Variants in RUNX1 observed in about 807,000 individuals in gnomAD.
RUNX1 encodes the protein RUNX family transcription factor 1.
In RUNX1, 19 loss-of-function variants were observed where a neutral mutation model predicts 42.8. That is an observed-to-expected ratio of 0.44 (90% CI 0.31 to 0.65). The LOEUF (loss-of-function observed/expected upper bound fraction) is 0.65, where lower values mean the gene tolerates loss of function less well. RUNX1 is among the 30% of genes least tolerant of loss of function. The pLI is 0.07. For missense variants in RUNX1, 528 were observed against 672.0 expected (o/e 0.79, Z 2.37); for synonymous variants, 271 against 289.4 (o/e 0.94, Z 0.64).
At chr21:34,849,255 T>TAC in intron 6 of RUNX1, among the ~76,000 whole-genome samples, 1 of 70,496 alleles carries the variant, frequency 1.4e-5, no homozygotes, top group East Asian at 5.2e-4. Flanking sequence ...TTTGGGTACA[T>TAC]ATATATATAT....
chr21:34,867,875 C>G (rs772105408), intron 5 of RUNX1, among the ~76,000 whole-genome samples: 5 of 152,156 alleles, frequency 3.3e-5, no homozygotes, highest in Non-Finnish European at 5.9e-5. Context: ...CTTCACTCAT[C>G]CATCAGGCTG....
At chr21:34,999,979 C>G (rs1037594419) in intron 2 of RUNX1, among the ~76,000 whole-genome samples, 1 of 152,198 alleles carries the variant, frequency 6.6e-6, no homozygotes, top group Non-Finnish European at 1.5e-5. Context: ...TGAGCTTTCA[C>G]CCAAGATGTT....
chr21:35,020,603 T>C (rs1379585010), intron 2 of RUNX1, among the ~76,000 whole-genome samples: 2 of 152,288 alleles, frequency 1.3e-5, no homozygotes, highest in South Asian at 2.1e-4. Context: ...TCTTAGTCAC[T>C]GTCCCCTCGA....
At chr21:34,977,386 C>T (rs2058810921) in intron 2 of RUNX1, among the ~76,000 whole-genome samples, 1 of 152,230 alleles carries the variant, frequency 6.6e-6, no homozygotes, top group African/African-American at 2.4e-5. Flanking sequence ...CTCTGGAAAA[C>T]TACCCCAGGA....
chr21:34,802,274 C>T (rs969176955), intron 7 of RUNX1, among the ~76,000 whole-genome samples: 1 of 152,174 alleles, frequency 6.6e-6, no homozygotes, highest in African/African-American at 2.4e-5. Flanking sequence ...TCTGATAAGT[C>T]AATCCATCTA....
Position 34,791,342 on chromosome 21 carries a change from CAT to C in RUNX1, c.*791_*792del, listed in dbSNP as rs1420535923. ...TTAAATAATTAAAAAATTATCAACACATAAATGTCTGAACATCAAGATACATA... is the reference window on the plus strand; with the variant it reads ...TTAAATAATTAAAAAATTATCAACACAAATGTCTGAACATCAAGATACATA... On this transcript the variant is annotated 3_prime_UTR_variant, in exon 9 of 9. Transcript: ENST00000675419. 2 of 227,910 alleles carry C rather than the reference CAT, an allele frequency of 8.8e-6. No individual in the cohort carries two copies. Among genetic ancestry groups the C allele is most frequent in the African/African-American group, 2.2e-5 (1 of 44,922 alleles). 14.1% of individuals were successfully genotyped at this position (227,910 alleles called of 1,614,324 possible).
chr21:35,017,777 C>T (rs576382817), intron 2 of RUNX1, among the ~76,000 whole-genome samples: 9 of 152,256 alleles, frequency 5.9e-5, no homozygotes, highest in African/African-American at 2.2e-4. Flanking sequence ...TAGCCGTCTT[C>T]AGGAAAGGAG....
chr21:34,898,458 G>A (rs2058147205), intron 2 of RUNX1, among the ~76,000 whole-genome samples: 1 of 152,182 alleles, frequency 6.6e-6, no homozygotes, highest in African/African-American at 2.4e-5. Flanking sequence ...CTGGAGCTCA[G>A]TAGCAGGAAG....
intron 2 of RUNX1, among the ~76,000 whole-genome samples, chr21:34,965,354 T>C (rs974882709): frequency 1.3e-4 from 20 of 152,136 alleles, no homozygotes; most frequent in African/African-American, 4.6e-4. Context: ...AAAAATCATC[T>C]GGAGCGTTTT....
chr21:34,855,430 C>T (rs545650106), intron 6 of RUNX1, among the ~76,000 whole-genome samples: 8 of 152,292 alleles, frequency 5.3e-5, no homozygotes, highest in East Asian at 1.9e-4. Context: ...CTCAGCCATT[C>T]GTAGTAGCTC....
chr21:35,035,301 C>T (rs373407651), intron 2 of RUNX1, among the ~76,000 whole-genome samples: 17 of 152,230 alleles, frequency 1.1e-4, no homozygotes, highest in African/African-American at 4.1e-4. Context: ...CAAGGTGACT[C>T]AGCGGGAAAG....
chr21:34,803,254 T>C (rs1159391287), intron 7 of RUNX1, among the ~76,000 whole-genome samples: 1 of 151,992 alleles, frequency 6.6e-6, no homozygotes, highest in Non-Finnish European at 1.5e-5. Context: ...TATTAAAAAA[T>C]ACTGGATTCA....
intron 2 of RUNX1, among the ~76,000 whole-genome samples, chr21:34,928,339 A>G (rs893490722): frequency 6.6e-6 from 1 of 152,182 alleles, no homozygotes; most frequent in African/African-American, 2.4e-5. Flanking sequence ...ACTACCAAAA[A>G]GAATTTGAAG....
At chr21:34,908,581 G>A (rs1051530055) in intron 2 of RUNX1, among the ~76,000 whole-genome samples, 1 of 152,144 alleles carries the variant, frequency 6.6e-6, no homozygotes, top group Non-Finnish European at 1.5e-5. Context: ...TGGACAGGGG[G>A]GTCGGGGGAG....
At chr21:34,822,828 T>C (rs1396664871) in intron 7 of RUNX1, among the ~76,000 whole-genome samples, 1 of 152,230 alleles carries the variant, frequency 6.6e-6, no homozygotes, top group African/African-American at 2.4e-5. Flanking sequence ...AACAGTGTTA[T>C]AATCCCGCGA....
chr21:34,968,472 T>A (rs1267996205), intron 2 of RUNX1, among the ~76,000 whole-genome samples: 1 of 152,048 alleles, frequency 6.6e-6, no homozygotes, highest in Non-Finnish European at 1.5e-5. Flanking sequence ...GGAAAACTTA[T>A]CCTCCACATC....
chr21:34,841,869 G>C (rs921013284), intron 6 of RUNX1, among the ~76,000 whole-genome samples: 1 of 152,198 alleles, frequency 6.6e-6, no homozygotes, highest in Admixed American at 6.5e-5. Context: ...CATAGCACAT[G>C]TTAATGTTAT....
At chr21:34,882,129 T>C (rs1289012428) in intron 4 of RUNX1, among the ~76,000 whole-genome samples, 1 of 152,242 alleles carries the variant, frequency 6.6e-6, no homozygotes, top group African/African-American at 2.4e-5. Context: ...CATAATTTTT[T>C]GTAGTATATA....
chr21:34,818,430 C>T (rs531267275), intron 7 of RUNX1, among the ~76,000 whole-genome samples: 63 of 152,148 alleles, frequency 4.1e-4, no homozygotes, highest in African/African-American at 5.3e-4. Flanking sequence ...CAGCATTTCC[C>T]GTCTCCCCTT....
Sources: allele counts gnomAD v4.1 joint callset (sites outside exome capture counted in the v4.1 genomes callset), GRCh38; gene constraint gnomAD v4.1.1; transcripts MANE v1.5; gene names NCBI Gene and HGNC (gene_info 2026-07-23, HGNC 2026-07-21).